Variants in ANO2 observed in about 807,000 individuals in gnomAD.
ANO2 encodes anoctamin 2.
ANO2 carries 101 observed loss-of-function variants against 124.2 expected under a neutral mutation model. That is an observed-to-expected ratio of 0.81 (90% CI 0.69 to 0.96). ANO2 has a LOEUF of 0.96. Among genes scored for constraint, ANO2 ranks in the 40% least tolerant of loss-of-function variants. The pLI is 0.00. For missense variants in ANO2, 1,293 were observed against 1,274.5 expected (o/e 1.01, Z -0.22); for synonymous variants, 486 against 482.5 (o/e 1.01, Z -0.09).
At chr12:5,741,240 A>C (rs1163477912) in intron 12 of ANO2, 4 of 152,232 alleles carry the variant, frequency 2.6e-5, no homozygotes, top group African/African-American at 9.6e-5. Flanking sequence ...CCTCGGTCAC[A>C]GCACAGAACT....
At position 5,613,018 on chromosome 12, in the gene ANO2, G is replaced by A. The variant is rs138831946; in HGVS notation, c.1929-60C>T. On this transcript the variant is annotated intron_variant, in intron 17 of 24. Coordinates refer to ENST00000682330, the MANE Select transcript of ANO2 (RefSeq NM_001364791.2). ...GAGAAAGCATGCAGGGTGGCTCAAG[G>A]ACATGTCTTCTGAGGGGAATACCAC... is the stretch of plus-strand genomic sequence containing the variant. 5.8e-6 allele frequency: 9 copies of A among 1,540,402 alleles called. No homozygotes were observed. In the Admixed American group the frequency reaches 1.0e-4, roughly 17 times the overall value.
At chr12:5,914,175 A>G (rs79930849) in intron 3 of ANO2, among the ~76,000 whole-genome samples, 2,379 of 150,508 alleles carry the variant, frequency 0.016, 31 homozygotes, top group East Asian at 0.037. Flanking sequence ...ACTCCAGCCT[A>G]GGTGACAGAG....
intron 14 of ANO2, among the ~76,000 whole-genome samples, chr12:5,654,735 T>C (rs1251184537): frequency 6.6e-6 from 1 of 152,196 alleles, no homozygotes; most frequent in Non-Finnish European, 1.5e-5. Flanking sequence ...GTAATGTTGA[T>C]ATTTGGAACT....
chr12:5,762,992 G>A (rs1951783476), intron 10 of ANO2, among the ~76,000 whole-genome samples: 1 of 151,890 alleles, frequency 6.6e-6, no homozygotes, highest in African/African-American at 2.4e-5. Flanking sequence ...GTCAATTTCT[G>A]CATTTGCCTT....
intron 23 of ANO2, among the ~76,000 whole-genome samples, chr12:5,575,261 C>T (rs1264882771): frequency 2.0e-5 from 3 of 152,172 alleles, no homozygotes; most frequent in African/African-American, 4.8e-5. Flanking sequence ...GACCATAGCC[C>T]CCTTGATGGT....
chr12:5,930,544 G>A (rs1225368322), intron 1 of ANO2, among the ~76,000 whole-genome samples: 1 of 152,174 alleles, frequency 6.6e-6, no homozygotes, highest in Non-Finnish European at 1.5e-5. Flanking sequence ...TGGTCCTGCT[G>A]AAGGCATGCC....
intron 7 of ANO2, among the ~76,000 whole-genome samples, chr12:5,819,764 C>G (rs773728156): frequency 3.9e-5 from 6 of 152,182 alleles, no homozygotes; most frequent in Non-Finnish European, 8.8e-5. Context: ...CTCTGTATGT[C>G]AGATCTAACA....
At chr12:5,790,015 C>T (rs1281173005) in intron 10 of ANO2, among the ~76,000 whole-genome samples, 2 of 152,180 alleles carry the variant, frequency 1.3e-5, no homozygotes, top group African/African-American at 4.8e-5. Context: ...AACAGTTGAG[C>T]CGTGTCCCTG....
At chr12:5,674,532 C>T (rs1362097590) in intron 14 of ANO2, among the ~76,000 whole-genome samples, 3 of 152,188 alleles carry the variant, frequency 2.0e-5, no homozygotes, top group Non-Finnish European at 4.4e-5. Flanking sequence ...GTGGCTGGCA[C>T]GTGGCTTGCA....
chr12:5,859,603 T>G (rs1955207636), intron 3 of ANO2, among the ~76,000 whole-genome samples: 1 of 152,026 alleles, frequency 6.6e-6, no homozygotes, highest in African/African-American at 2.4e-5. Flanking sequence ...TGGCACCATC[T>G]TGGCTCACTG....
intron 14 of ANO2, among the ~76,000 whole-genome samples, chr12:5,700,642 A>G (rs980596534): frequency 4.7e-4 from 72 of 152,208 alleles, no homozygotes; most frequent in Non-Finnish European, 1.6e-4. Context: ...AAAAGCAATG[A>G]ATCCAGGAGC....
intron 2 of ANO2, among the ~76,000 whole-genome samples, 157 bp downstream of exon 2, chr12:5,922,463 T>C (rs145187219): frequency 6.6e-6 from 1 of 152,316 alleles, no homozygotes; most frequent in Non-Finnish European, 1.5e-5. Flanking sequence ...GTGCCTGACT[T>C]GGAGACAGAG....
intron 3 of ANO2, among the ~76,000 whole-genome samples, chr12:5,873,196 G>GCTCTCTCT (rs57038931): frequency 0.019 from 2,224 of 118,682 alleles, 84 homozygotes; most frequent in East Asian, 0.039. Context: ...GCCTAAAGCA[G>GCTCTCTCT]CTCTCTCTCT....
At chr12:5,645,807 C>A (rs894798075) in intron 15 of ANO2, among the ~76,000 whole-genome samples, 4 of 152,156 alleles carry the variant, frequency 2.6e-5, no homozygotes, top group African/African-American at 9.7e-5. Flanking sequence ...TGCTTCCCTA[C>A]AGAGAGAGGT....
intron 16 of ANO2, among the ~76,000 whole-genome samples, chr12:5,628,294 G>A (rs979611459): frequency 5.9e-5 from 9 of 152,234 alleles, no homozygotes; most frequent in South Asian, 2.1e-4. Flanking sequence ...TGACCCACAC[G>A]GTTGTCCCCA....
At chr12:5,597,709 T>C (rs1181217770) in intron 20 of ANO2, among the ~76,000 whole-genome samples, 1 of 152,138 alleles carries the variant, frequency 6.6e-6, no homozygotes, top group Non-Finnish European at 1.5e-5. Flanking sequence ...GACAAACAGA[T>C]CTCAGGGGTT....
At chr12:5,940,933 AGTACCGAT>A (rs1178931264) in intron 1 of ANO2, among the ~76,000 whole-genome samples, 1 of 152,252 alleles carries the variant, frequency 6.6e-6, no homozygotes, top group Non-Finnish European at 1.5e-5. Context: ...AAAAGAATGA[AGTACCGAT>A]ATGTGTAACA....
intron 10 of ANO2, among the ~76,000 whole-genome samples, chr12:5,756,733 G>A (rs972465537): frequency 5.4e-5 from 8 of 149,166 alleles, no homozygotes; most frequent in Admixed American, 1.3e-4. Flanking sequence ...GGGCTGCTGC[G>A]CCACAGACAG....
chr12:5,684,788 C>T (rs1314124216), intron 14 of ANO2, among the ~76,000 whole-genome samples: 2 of 152,160 alleles, frequency 1.3e-5, no homozygotes, highest in African/African-American at 4.8e-5. Context: ...ACATTGTTTA[C>T]TTGTTTTCAT....
Sources: allele counts gnomAD v4.1 joint callset (sites outside exome capture counted in the v4.1 genomes callset), GRCh38; gene constraint gnomAD v4.1.1; transcripts MANE v1.5; gene names NCBI Gene and HGNC (gene_info 2026-07-23, HGNC 2026-07-21).